The following PDE4D variants were observed in gnomAD, a reference collection of about 807,000 sequenced individuals.
PDE4D encodes the protein phosphodiesterase 4D.
In PDE4D, 24 loss-of-function variants were observed where a neutral mutation model predicts 87.4. That is an observed-to-expected ratio of 0.27 (90% CI 0.20 to 0.39). PDE4D has a LOEUF of 0.39. Ranked by LOEUF, PDE4D falls within the 10% of genes least tolerant of loss-of-function variation. The pLI is 1.00. For synonymous variants in PDE4D, 384 were observed against 383.2 expected, an observed-to-expected ratio of 1.00 and a Z score of -0.02; for missense variants, 714 against 1,041.0, an observed-to-expected ratio of 0.69 and a Z score of 4.32.
intron 6 of PDE4D, among the ~76,000 whole-genome samples, chr5:58,995,719 T>TAA (rs1415175421): frequency 1.3e-5 from 2 of 152,204 alleles, no homozygotes; most frequent in Non-Finnish European, 2.9e-5. Context: ...TGACTGTAGT[T>TAA]ATAACCATAA....
chr5:59,355,072 G>GA (rs1781158150), intron 1 of PDE4D, among the ~76,000 whole-genome samples: 1 of 152,148 alleles, frequency 6.6e-6, no homozygotes, highest in South Asian at 2.1e-4. Context: ...TGTTACAAAT[G>GA]AAACTTGTTA....
At chr5:59,562,861 G>A (rs141356132) in intron 1 of PDE4D, among the ~76,000 whole-genome samples, 169 of 152,012 alleles carry the variant, frequency 1.1e-3, no homozygotes, top group Non-Finnish European at 2.0e-3. Context: ...ATTATATCTC[G>A]GTGGAATTGA....
chr5:59,036,743 G>A (rs1283963870), intron 6 of PDE4D, among the ~76,000 whole-genome samples: 1 of 152,164 alleles, frequency 6.6e-6, no homozygotes, highest in Non-Finnish European at 1.5e-5. Context: ...GACATTAAAA[G>A]TTTAAGCAAC....
At chr5:59,527,699 A>G (rs1208437792) in intron 1 of PDE4D, among the ~76,000 whole-genome samples, 1 of 152,186 alleles carries the variant, frequency 6.6e-6, no homozygotes, top group East Asian at 1.9e-4. Context: ...TGTCTCAGAT[A>G]TTTAATTAAT....
At chr5:60,060,027 G>GA (rs1476364138) in intron 2 of PDE4D, among the ~76,000 whole-genome samples, 1 of 151,698 alleles carries the variant, frequency 6.6e-6, no homozygotes, top group African/African-American at 2.4e-5. Context: ...AGCTTGCTTT[G>GA]AAAAAAGACA....
intron 1 of PDE4D, among the ~76,000 whole-genome samples, chr5:60,231,261 T>C (rs977865540): frequency 1.3e-5 from 2 of 151,976 alleles, no homozygotes; most frequent in South Asian, 2.1e-4. Context: ...ATTAGTTCAA[T>C]TGGGGTCATA....
At chr5:59,896,441 C>T (rs969071554), upstream of PDE4D, among the ~76,000 whole-genome samples, 2 of 152,024 alleles carry the variant, frequency 1.3e-5, no homozygotes, top group Admixed American at 6.6e-5. Context: ...ACCAGGAGAG[C>T]TAATCCAGCA....
chr5:60,368,805 A>G (rs1760772975), intron 1 of PDE4D, among the ~76,000 whole-genome samples: 1 of 151,964 alleles, frequency 6.6e-6, no homozygotes, highest in Non-Finnish European at 1.5e-5. Flanking sequence ...GCTCCATCCA[A>G]GTGAAGATGT....
At chr5:59,253,634 A>G (rs1167275238) in intron 1 of PDE4D, among the ~76,000 whole-genome samples, 1 of 152,174 alleles carries the variant, frequency 6.6e-6, no homozygotes, top group Non-Finnish European at 1.5e-5. Context: ...AATTTCTGAT[A>G]AAACCAAATT....
At chr5:59,170,394 C>T (rs1782572711) in intron 5 of PDE4D, among the ~76,000 whole-genome samples, 1 of 152,014 alleles carries the variant, frequency 6.6e-6, no homozygotes, top group Non-Finnish European at 1.5e-5. Flanking sequence ...AAAATGCTGC[C>T]CTATGTGAGA....
chr5:59,130,159 T>C (rs1355237360), intron 5 of PDE4D, among the ~76,000 whole-genome samples: 1 of 152,194 alleles, frequency 6.6e-6, no homozygotes, highest in Non-Finnish European at 1.5e-5. Flanking sequence ...TATATGATCA[T>C]TGGCCTGCAT....
At chr5:60,094,778 T>G (rs1345837058) in intron 2 of PDE4D, among the ~76,000 whole-genome samples, 1 of 151,938 alleles carries the variant, frequency 6.6e-6, no homozygotes, top group African/African-American at 2.4e-5. Context: ...CACCTTGATT[T>G]GAGACTCCTA....
intron 2 of PDE4D, among the ~76,000 whole-genome samples, chr5:60,011,253 G>C (rs897139137): frequency 6.6e-6 from 1 of 152,090 alleles, no homozygotes; most frequent in African/African-American, 2.4e-5. Flanking sequence ...TGGAGCTCCA[G>C]AAAGGGCATG....
intron 5 of PDE4D, among the ~76,000 whole-genome samples, chr5:59,079,705 T>C (rs1206569241): frequency 2.5e-5 from 3 of 121,860 alleles, no homozygotes; most frequent in African/African-American, 8.2e-5. Context: ...CTGGGCATAA[T>C]GGTGTGTGCC....
At chr5:60,259,635 C>T (rs1749440385) in intron 1 of PDE4D, among the ~76,000 whole-genome samples, 2 of 152,082 alleles carry the variant, frequency 1.3e-5, no homozygotes, top group Admixed American at 6.6e-5. Context: ...TCTATAATAA[C>T]ATTTTCTGTG....
intron 1 of PDE4D, among the ~76,000 whole-genome samples, chr5:59,490,452 C>A (rs1049206944): frequency 6.6e-6 from 1 of 152,086 alleles, no homozygotes; most frequent in Non-Finnish European, 1.5e-5. Flanking sequence ...ATATTATGAT[C>A]TCCACTTTGA....
chr5:59,914,579 T>C (rs1050486413), intron 3 of PDE4D, among the ~76,000 whole-genome samples: 7 of 149,914 alleles, frequency 4.7e-5, no homozygotes, highest in African/African-American at 1.7e-4. Context: ...TGCGTGTGTG[T>C]GTGTGTGTGT....
intron 5 of PDE4D, among the ~76,000 whole-genome samples, chr5:59,092,764 A>G (rs1409966794): frequency 6.6e-6 from 1 of 152,180 alleles, no homozygotes; most frequent in African/African-American, 2.4e-5. Context: ...TAAATAATCC[A>G]TGTAAAGAAC....
intron 5 of PDE4D, among the ~76,000 whole-genome samples, chr5:59,157,707 G>C (rs965598907): frequency 6.6e-6 from 1 of 152,142 alleles, no homozygotes; most frequent in Non-Finnish European, 1.5e-5. Flanking sequence ...GAAGAGAGGA[G>C]ACTTAAAGCA....
Sources: allele counts gnomAD v4.1 joint callset (sites outside exome capture counted in the v4.1 genomes callset), GRCh38; gene constraint gnomAD v4.1.1; transcripts MANE v1.5; gene names NCBI Gene and HGNC (gene_info 2026-07-23, HGNC 2026-07-21).